The following ZEB1 variants were observed in gnomAD, a reference collection of about 807,000 sequenced individuals.
The protein encoded by ZEB1 is zinc finger E-box binding homeobox 1, also known as zinc finger E-box-binding homeobox 1.
ZEB1 carries 21 observed loss-of-function variants against 84.9 expected under a neutral mutation model. That is an observed-to-expected ratio of 0.25 (90% CI 0.18 to 0.36). The LOEUF (loss-of-function observed/expected upper bound fraction) is 0.36. Among genes scored for constraint, ZEB1 ranks in the 10% least tolerant of loss-of-function variants. The probability of loss-of-function intolerance (pLI) is 1.00; values close to 1 mark genes in which losing one functional copy is unlikely to be tolerated. For missense variants in ZEB1, 1,104 were observed against 1,330.2 expected, an observed-to-expected ratio of 0.83 and a Z score of 2.65; for synonymous variants, 420 against 471.1, an observed-to-expected ratio of 0.89 and a Z score of 1.41.
chr10:31,332,202 A>G (rs913054368), intron 1 of ZEB1, among the ~76,000 whole-genome samples: 1 of 152,162 alleles, frequency 6.6e-6, no homozygotes, highest in African/African-American at 2.4e-5. Context: ...AAATTAGTAG[A>G]AGACTTACGC....
At chr10:31,475,385 A>G (rs1591671670) in intron 2 of ZEB1, among the ~76,000 whole-genome samples, 1 of 152,166 alleles carries the variant, frequency 6.6e-6, no homozygotes, top group Non-Finnish European at 1.5e-5. Context: ...TGAGGGGATA[A>G]TTTAGGAAAA....
intron 1 of ZEB1, among the ~76,000 whole-genome samples, chr10:31,361,610 G>A (rs1401175494): frequency 6.6e-6 from 1 of 152,046 alleles, no homozygotes; most frequent in Non-Finnish European, 1.5e-5. Flanking sequence ...GCAGGGGCTG[G>A]GCAGAGGCAC....
At chr10:31,444,704 G>T (rs548307753) in intron 1 of ZEB1, among the ~76,000 whole-genome samples, 2 of 152,062 alleles carry the variant, frequency 1.3e-5, no homozygotes, top group African/African-American at 4.8e-5. Context: ...TCTCAGGTTT[G>T]TCAAAGATCA....
intron 4 of ZEB1, among the ~76,000 whole-genome samples, chr10:31,509,716 G>A (rs1038394233): frequency 6.6e-6 from 1 of 152,024 alleles, no homozygotes; most frequent in African/African-American, 2.4e-5. Flanking sequence ...TATCTGTGGT[G>A]GTTTGTTTTT....
At chr10:31,478,813 A>C (rs752738867) in intron 2 of ZEB1, among the ~76,000 whole-genome samples, 2 of 151,918 alleles carry the variant, frequency 1.3e-5, no homozygotes, top group Non-Finnish European at 2.9e-5. Context: ...CAGTGGTTAC[A>C]TATAGATGCA....
At chr10:31,334,148 A>C (rs1338549418) in intron 1 of ZEB1, among the ~76,000 whole-genome samples, 2 of 152,098 alleles carry the variant, frequency 1.3e-5, no homozygotes, top group Non-Finnish European at 2.9e-5. Context: ...AGAAAAATAT[A>C]GATGATTTTA....
chr10:31,458,384 G>C (rs961276403), intron 1 of ZEB1, among the ~76,000 whole-genome samples: 1 of 150,464 alleles, frequency 6.6e-6, no homozygotes, highest in East Asian at 1.9e-4. Flanking sequence ...CTTACTATGA[G>C]TTAAAGGCCC....
intron 1 of ZEB1, among the ~76,000 whole-genome samples, chr10:31,382,478 G>A (rs572470615): frequency 6.6e-6 from 1 of 152,220 alleles, no homozygotes; most frequent in East Asian, 1.9e-4. Flanking sequence ...GTAACTAAAT[G>A]TATGACAAAA....
Position 31,342,652 on chromosome 10 carries a change from A to G in ZEB1, c.58+23360A>G, listed in dbSNP as rs554904285. Among the ~76,000 whole-genome samples the G allele has an allele frequency of 9.2e-5, 14 of 152,276 alleles. No homozygotes were observed. In the East Asian group the frequency reaches 1.2e-3, roughly 13 times the overall value. On this transcript the variant is annotated intron_variant, in intron 1 of 8. Transcript: ENST00000424869. The stretch of plus-strand genomic sequence containing the variant: ...AATGAAGTGGTATAATTGGAGATCT[A>G]TAGATAAGAAGCAGCAGAGAGTGGA...
chr10:31,342,720 G>A (rs925056901), intron 1 of ZEB1, among the ~76,000 whole-genome samples: 2 of 152,140 alleles, frequency 1.3e-5, no homozygotes, highest in African/African-American at 4.8e-5. Flanking sequence ...TTTAAACGTA[G>A]ATTGAGGTTA....
rs2053559791 is a variant in ZEB1, at chr10:31,408,408, T to C, written c.59-52629T>C. On this transcript the variant is annotated intron_variant, in intron 1 of 8. Transcript: ENST00000424869. ...GGAAAAAACTACTTTAAAGTTCATA[T>C]GGAACCAGAAAAGAGCCTGCATCGC... Among the ~76,000 whole-genome samples, 20 of 151,946 alleles carry C rather than the reference T, an allele frequency of 1.3e-4. No individual in the cohort carries two copies. The South Asian group carries it at 4.1e-3, about 31-fold the overall frequency.
intron 4 of ZEB1, among the ~76,000 whole-genome samples, chr10:31,507,878 T>A (rs11008511): frequency 0.058 from 8,872 of 151,972 alleles, 719 homozygotes; most frequent in African/African-American, 0.18. Flanking sequence ...TTTTTGGAGG[T>A]GTCATATTTC....
chr10:31,411,812 A>C (rs895277190), intron 1 of ZEB1, among the ~76,000 whole-genome samples: 2 of 152,018 alleles, frequency 1.3e-5, no homozygotes, highest in African/African-American at 2.4e-5. Flanking sequence ...TGCACAATCC[A>C]ACTAAAACCA....
At chr10:31,436,784 G>A (rs537250546) in intron 1 of ZEB1, among the ~76,000 whole-genome samples, 4 of 152,076 alleles carry the variant, frequency 2.6e-5, no homozygotes, top group African/African-American at 4.8e-5. Context: ...TTTAAAGTAC[G>A]TTTAAAATAC....
chr10:31,522,477 A>G (rs16932418), intron 7 of ZEB1, among the ~76,000 whole-genome samples: 4,419 of 151,958 alleles, frequency 0.029, 109 homozygotes, highest in Admixed American at 0.055. Flanking sequence ...ACTGTGCATA[A>G]ACAGTGTTCA....
chr10:31,440,708 G>C lies in ZEB1; in HGVS notation c.59-20329G>C, dbSNP rs183105030. 3.9e-5 allele frequency among the ~76,000 whole-genome samples: 6 copies of C among 152,262 alleles called. No homozygotes were observed. In the South Asian group the frequency reaches 6.2e-4, roughly 16 times the overall value. On this transcript the variant is annotated intron_variant, in intron 1 of 8. Coordinates refer to ENST00000424869, the MANE Select transcript of ZEB1 (RefSeq NM_001174096.2). ...TAAGCTGATAAGCAACTTCAGCAAA[G>C]TCTCAGGATACAAAATCTATGGGCA... is the stretch of plus-strand genomic sequence containing the variant.
chr10:31,349,968 G>T lies in ZEB1; in HGVS notation c.58+30676G>T, dbSNP rs138997509. On this transcript the variant is annotated intron_variant, in intron 1 of 8. Coordinates refer to ENST00000424869, the MANE Select transcript of ZEB1 (RefSeq NM_001174096.2). The stretch of plus-strand genomic sequence containing the variant: ...TTGTTTTTGTTGCCTATACTTTTAG[G>T]GTCATATTTAGAAAGTCATTGCCCA... Among the ~76,000 whole-genome samples, 1,390 of 151,902 alleles carry T rather than the reference G, an allele frequency of 9.2e-3. 13 individuals carry two copies. Among genetic ancestry groups the T allele is most frequent in the African/African-American group, 0.031 (1,300 of 41,410 alleles).
chr10:31,489,035 A>G (rs898349520), intron 2 of ZEB1, among the ~76,000 whole-genome samples: 4 of 151,026 alleles, frequency 2.6e-5, no homozygotes, highest in Admixed American at 6.6e-5. Flanking sequence ...TTTTTTGTCT[A>G]CTTGTTCTGT....
chr10:31,376,922 A>G (rs975819223), intron 1 of ZEB1, among the ~76,000 whole-genome samples: 15 of 151,488 alleles, frequency 9.9e-5, no homozygotes. Flanking sequence ...AATACATACA[A>G]TATATATTTC....
Sources: allele counts gnomAD v4.1 joint callset (sites outside exome capture counted in the v4.1 genomes callset), GRCh38; gene constraint gnomAD v4.1.1; transcripts MANE v1.5; gene names NCBI Gene and HGNC (gene_info 2026-07-23, HGNC 2026-07-21).